KISS1: variants seen among roughly 807,000 people sequenced by gnomAD.
The protein encoded by KISS1 is metastasis-suppressor KiSS-1.
For missense variants in KISS1, 182 were observed against 182.7 expected (o/e 1.00, Z 0.02); for synonymous variants, 97 against 88.7 (o/e 1.09, Z -0.52).
Position 204,190,671 on chromosome 1 carries a change from C to G in KISS1, c.230G>C (p.Ser77Thr). The change falls in exon 3 of 3, where the codon AGC becomes ACC. Residue 77 changes from serine (S) to threonine (T), a missense_variant. By Grantham distance (58) the Ser-to-Thr change is moderately conservative. Coordinates refer to ENST00000367194, the MANE Select transcript of KISS1 (RefSeq NM_002256.4). The stretch of plus-strand genomic sequence containing the variant: ...GCCCGGCTGCTGGGGGCTCCCGGAG[C>G]TCTCGGGGGGCGGGGACAGCGAGGT... ...RGTSLSPPPE[S>T]SGSPQQPGLS... 6.3e-7 allele frequency: 1 copy of G among 1,589,320 alleles called. No homozygotes were observed. The highest frequency in any genetic ancestry group is 8.6e-7 in the Non-Finnish European group (1 of 1,168,656).
At chr1:204,195,236 C>CA (rs1658824267) in intron 1 of KISS1, among the ~76,000 whole-genome samples, 7 of 630 alleles carry the variant, frequency 0.011, no homozygotes, top group South Asian at 0.071. Context: ...CACATATACA[C>CA]GCATACACCC....
chr1:204,193,987 C>T (rs949266324), intron 1 of KISS1, among the ~76,000 whole-genome samples: 1 of 152,226 alleles, frequency 6.6e-6, no homozygotes, highest in African/African-American at 2.4e-5. Context: ...GAGCCGCTCT[C>T]CCTGGGGAAG....
intron 2 of KISS1, among the ~76,000 whole-genome samples, chr1:204,191,649 G>T (rs867561444): frequency 6.6e-6 from 1 of 152,234 alleles, no homozygotes; most frequent in Non-Finnish European, 1.5e-5. Flanking sequence ...ATGTGCTGGG[G>T]CGGCAGTTGG....
rs1429787376 is a variant in KISS1, at chr1:204,192,600, C to T, written c.103+174G>A. On this transcript the variant is annotated intron_variant, in intron 2 of 2. Transcript: ENST00000367194. This position sits in a 1 kb window ranked among gnomAD's most constrained non-coding sequence, Gnocchi z 4.2. ...GAGGCCATCACAGAGGCAAGGCATC[C>T]GTCACTTGCAGGGTTAACAGGACCC... Among the ~76,000 whole-genome samples the T allele has an allele frequency of 2.0e-5, 3 of 152,208 alleles. No individual in the cohort carries two copies. Among genetic ancestry groups the T allele is most frequent in the Non-Finnish European group, 2.9e-5 (2 of 68,010 alleles).
At position 204,190,611 on chromosome 1, in the gene KISS1, G is replaced by A. The variant is rs545669513; in HGVS notation, c.290C>T (p.Pro97Leu). The A allele has an allele frequency of 3.1e-6, 5 of 1,590,868 alleles. No homozygotes were observed. The East Asian group carries it at 9.1e-5, about 29-fold the overall frequency. The change falls in exon 3 of 3, where the codon CCC becomes CTC. Residue 97 changes from proline (P) to leucine (L), a missense_variant. By Grantham distance (98) the Pro-to-Leu change is moderately conservative. Coordinates refer to ENST00000367194, the MANE Select transcript of KISS1 (RefSeq NM_002256.4). The part of the protein sequence containing the change: ...SAPHSRQIPA[P>L]QGAVLVQREK... Reference sequence around the variant, plus strand: ...CCGCTGCACCAGCACCGCGCCCTGGGGTGCGGGGATCTGGCGGCTGTGGGG... The same window carrying A: ...CCGCTGCACCAGCACCGCGCCCTGGAGTGCGGGGATCTGGCGGCTGTGGGG...
At chr1:204,195,232 TAC>T (rs199725670) in intron 1 of KISS1, among the ~76,000 whole-genome samples, 6 of 756 alleles carry the variant, frequency 7.9e-3, no homozygotes, top group Admixed American at 0.017. Context: ...CATACACATA[TAC>T]ACGCATACAC....
rs759768318 is a variant in KISS1 at position 204,190,697 on chromosome 1, C to A, written c.204G>T (p.Gly68=). The A allele has an allele frequency of 1.2e-6, 2 of 1,600,872 alleles. No homozygotes were observed. Among genetic ancestry groups the A allele is most frequent in the Admixed American group, 1.7e-5 (1 of 58,306 alleles). ...TCTCGGGGGGCGGGGACAGCGAGGTCCCCCGACGGCTCAGCCTGGCAGTAG... is the reference window on the plus strand; with the variant it reads ...TCTCGGGGGGCGGGGACAGCGAGGTACCCCGACGGCTCAGCCTGGCAGTAG... ...PAATARLSRR[G]TSLSPPPESS... The change falls in exon 3 of 3, where the codon GGG becomes GGT. Residue 68 remains glycine, a synonymous_variant. Transcript: ENST00000367194.
Position 204,190,569 on chromosome 1 carries a change from T to C in KISS1, c.332A>G (p.Asn111Ser). The part of the protein sequence containing the change: ...VLVQREKDLP[N>S]YNWNSFGLRF... ...CAGGCCGAAGGAGTTCCAGTTGTAG[T>C]TCGGCAGGTCCTTCTCCCGCTGCAC... The change falls in exon 3 of 3, where the codon AAC becomes AGC. Residue 111 changes from asparagine (N) to serine (S), a missense_variant. Coordinates refer to ENST00000367194, the MANE Select transcript of KISS1 (RefSeq NM_002256.4). 2 of 1,606,450 alleles carry C rather than the reference T, an allele frequency of 1.2e-6. No homozygotes were observed. The highest frequency in any genetic ancestry group is 1.7e-6 in the Non-Finnish European group (2 of 1,177,108).
rs979830445 is a variant in KISS1 at position 204,192,034 on chromosome 1, TA to T, written c.103+739del. On this transcript the variant is annotated intron_variant, in intron 2 of 2. Coordinates refer to ENST00000367194, the MANE Select transcript of KISS1 (RefSeq NM_002256.4). This position sits in a 1 kb window ranked among gnomAD's most constrained non-coding sequence, Gnocchi z 4.2. ...TGTGCTCTGGAAGGTCTTATGGGCA[TA>T]TACGATGACATCAAATGTGTAGAGG... Among the ~76,000 whole-genome samples, 4 of 152,192 alleles carry T rather than the reference TA, an allele frequency of 2.6e-5. No individual in the cohort carries two copies. The highest frequency in any genetic ancestry group is 9.7e-5 in the African/African-American group (4 of 41,442).
chr1:204,195,659 CCACACATGCGCA>C (rs1658844341), intron 1 of KISS1, among the ~76,000 whole-genome samples: 1 of 151,088 alleles, frequency 6.6e-6, no homozygotes, highest in African/African-American at 2.4e-5. Context: ...ACCACATACA[CCACACATGCGCA>C]CACACATCAC....
At chr1:204,194,332 A>G (rs1436779850) in intron 1 of KISS1, among the ~76,000 whole-genome samples, 1 of 152,236 alleles carries the variant, frequency 6.6e-6, no homozygotes, top group African/African-American at 2.4e-5. Context: ...TGATACTGTG[A>G]CAAGTTGAAA....
chr1:204,195,604 AT>A, intron 1 of KISS1, among the ~76,000 whole-genome samples: 1 of 151,120 alleles, frequency 6.6e-6, no homozygotes, highest in South Asian at 2.1e-4. Flanking sequence ...CGCCACACAC[AT>A]ATACACACAT....
chr1:204,195,171 A>C lies in KISS1; in HGVS notation c.-39+1205T>G, dbSNP rs1430681228. On this transcript the variant is annotated intron_variant, in intron 1 of 2. Coordinates refer to ENST00000367194, the MANE Select transcript of KISS1 (RefSeq NM_002256.4). Reference sequence around the variant, plus strand: ...ACCCCCCACACCACACACATACACCACACACACCACACATGCACACACACA... The same window carrying C: ...ACCCCCCACACCACACACATACACCCCACACACCACACATGCACACACACA... Among the ~76,000 whole-genome samples, 6 of 45,584 alleles carry C rather than the reference A, an allele frequency of 1.3e-4. No individual in the cohort carries two copies. In the East Asian group the frequency reaches 2.6e-3, roughly 20 times the overall value. 29.9% of individuals were successfully genotyped at this position (45,584 alleles called of 152,430 possible).
Position 204,190,659 on chromosome 1 carries a change from G to T in KISS1, c.242C>A (p.Pro81His). The T allele has an allele frequency of 1.3e-6, 2 of 1,584,222 alleles. No individual in the cohort carries two copies. Among genetic ancestry groups the T allele is most frequent in the Non-Finnish European group, 1.7e-6 (2 of 1,165,884 alleles). Residue 81 changes from proline (P) to histidine (H), a missense_variant, in exon 3 of 3, where the codon CCC becomes CAC. By Grantham distance (77) the Pro-to-His change is moderately conservative. Transcript: ENST00000367194. ...LSPPPESSGS[P>H]QQPGLSAPHS... ...GGGGGCGGACAGGCCCGGCTGCTGG[G>T]GGCTCCCGGAGCTCTCGGGGGGCGG...
Position 204,190,524 on chromosome 1 carries a change from G to A in KISS1, c.377C>T (p.Ala126Val), listed in dbSNP as rs1208586206. The part of the protein sequence containing the change: ...SFGLRFGKRE[A>V]APGNHGRSAG... ...GCTTCTGCCGTGGTTCCCTGGTGCC[G>A]CCTCCCGCTTGCCGAAGCGCAGGCC... Residue 126 changes from alanine to valine, a missense_variant, in exon 3 of 3, where the codon GCG (alanine) becomes GTG (valine). Transcript: ENST00000367194. The A allele has an allele frequency of 1.2e-6, 2 of 1,606,608 alleles. No individual in the cohort carries two copies. The highest frequency in any genetic ancestry group is 1.7e-6 in the Non-Finnish European group (2 of 1,177,790).
chr1:204,190,523 C>G lies in KISS1; in HGVS notation c.378G>C (p.Ala126=). The change falls in exon 3 of 3, where the codon GCG becomes GCC. Residue 126 remains alanine, a synonymous_variant. Coordinates refer to ENST00000367194, the MANE Select transcript of KISS1 (RefSeq NM_002256.4). ...CGCTTCTGCCGTGGTTCCCTGGTGCCGCCTCCCGCTTGCCGAAGCGCAGGC... is the reference window on the plus strand; with the variant it reads ...CGCTTCTGCCGTGGTTCCCTGGTGCGGCCTCCCGCTTGCCGAAGCGCAGGC... ...SFGLRFGKRE[A]APGNHGRSAG... is the part of the protein sequence containing the mutation. The G allele has an allele frequency of 2.5e-6, 4 of 1,608,478 alleles. No individual in the cohort carries two copies. The highest frequency in any genetic ancestry group is 2.5e-6 in the Non-Finnish European group (3 of 1,178,314).
Position 204,190,681 on chromosome 1 carries a change from G to A in KISS1, c.220C>T (p.Pro74Ser), listed in dbSNP as rs587777843. The A allele has an allele frequency of 2.8e-5, 45 of 1,591,944 alleles. No individual in the cohort carries two copies. The African/African-American group carries it at 3.5e-4, about 12-fold the overall frequency. Residue 74 changes from proline to serine, a missense_variant, in exon 3 of 3, where the codon CCC becomes TCC. Physicochemically the swap from Pro to Ser is moderately conservative, Grantham distance 74 (BLOSUM62 -1). Transcript: ENST00000367194. Reference protein sequence around the residue: ...LSRRGTSLSPPPESSGSPQQP... With the variant: ...LSRRGTSLSPSPESSGSPQQP... The stretch of plus-strand genomic sequence containing the variant: ...TGGGGGCTCCCGGAGCTCTCGGGGG[G>A]CGGGGACAGCGAGGTCCCCCGACGG...
rs1391609080 is a variant in KISS1, at chr1:204,192,189, G to C, written c.103+585C>G. On this transcript the variant is annotated intron_variant, in intron 2 of 2. Coordinates refer to ENST00000367194, the MANE Select transcript of KISS1 (RefSeq NM_002256.4). This position sits in a 1 kb window ranked among gnomAD's most constrained non-coding sequence, Gnocchi z 4.2. Reference sequence around the variant, plus strand: ...AGCTCCTGACTTGGGGACTAGTATTGTTCTAGCTTGTGCCACTCACCAGAC... The same window carrying C: ...AGCTCCTGACTTGGGGACTAGTATTCTTCTAGCTTGTGCCACTCACCAGAC... 1.3e-5 allele frequency among the ~76,000 whole-genome samples: 2 copies of C among 152,044 alleles called. No homozygotes were observed. The highest frequency in any genetic ancestry group is 4.8e-5 in the African/African-American group (2 of 41,386).
Position 204,190,415 on chromosome 1 carries a change from CCCCCCG to C in KISS1, c.*63_*68del. The C allele has an allele frequency of 1.8e-6, 1 of 571,318 alleles. No homozygotes were observed. Among genetic ancestry groups the C allele is most frequent in the Non-Finnish European group, 3.1e-6 (1 of 318,902 alleles). 35.4% of individuals were successfully genotyped at this position (571,318 alleles called of 1,614,324 possible). ...CCCCTCCCTTAGCCCTACGTCCCCG[CCCCCCG>C]CCCCCGCCCCGCATGCTCTGACTCC... On this transcript the variant is annotated 3_prime_UTR_variant, in exon 3 of 3. Transcript: ENST00000367194.
Sources: gnomAD v4.1 joint callset for allele counts (sites outside exome capture counted in the v4.1 genomes callset) on GRCh38, gnomAD v4.1.1 for gene constraint, Gnocchi (gnomAD v3.1) non-coding constraint, MANE v1.5 for transcripts, NCBI Gene and HGNC (gene_info 2026-07-23, HGNC 2026-07-21) for gene names.